Variants in ST6GALNAC3 observed in about 807,000 individuals in gnomAD.
ST6GALNAC3 encodes the protein ST6 N-acetylgalactosaminide alpha-2,6-sialyltransferase 3, also known as alpha-N-acetylgalactosaminide alpha-2,6-sialyltransferase 3.
Under a neutral mutation model 32.7 loss-of-function variants are expected in ST6GALNAC3, and 25 were observed. The observed-to-expected ratio is 0.76, with a 90% CI of 0.56 to 1.07. ST6GALNAC3 has a LOEUF of 1.07. Among genes scored for constraint, ST6GALNAC3 ranks in the 50% least tolerant of loss-of-function variants. The pLI, the probability that ST6GALNAC3 is intolerant of heterozygous loss-of-function variation, is 0.00. For synonymous variants in ST6GALNAC3, 129 were observed against 133.1 expected, an observed-to-expected ratio of 0.97 and a Z score of 0.21; for missense variants, 355 against 382.4, an observed-to-expected ratio of 0.93 and a Z score of 0.60.
chr1:76,353,334 C>T (rs184555170), intron 2 of ST6GALNAC3, among the ~76,000 whole-genome samples: 11 of 152,300 alleles, frequency 7.2e-5, no homozygotes, highest in Middle Eastern at 3.4e-3. Flanking sequence ...TCAGTTGCCA[C>T]CCCTTCAGAG....
intron 1 of ST6GALNAC3, among the ~76,000 whole-genome samples, chr1:76,124,474 G>A (rs1649110919): frequency 6.6e-6 from 1 of 152,182 alleles, no homozygotes; most frequent in Admixed American, 6.5e-5. Flanking sequence ...AATGTAGTCT[G>A]TCCCTGGTTG....
intron 3 of ST6GALNAC3, chr1:76,577,359 C>T: frequency 1.0e-6 from 1 of 979,462 alleles, no homozygotes. Flanking sequence ...TTACCAAGAG[C>T]TATAGCCTCT....
intron 2 of ST6GALNAC3, among the ~76,000 whole-genome samples, chr1:76,376,677 C>T (rs141240565): frequency 4.2e-4 from 64 of 152,314 alleles, no homozygotes; most frequent in African/African-American, 1.0e-3. Flanking sequence ...TTTTTATCCA[C>T]TCTGCACTCC....
intron 2 of ST6GALNAC3, among the ~76,000 whole-genome samples, chr1:76,392,042 T>A (rs1652604239): frequency 6.6e-6 from 1 of 152,150 alleles, no homozygotes; most frequent in African/African-American, 2.4e-5. Flanking sequence ...TAATGCTTCG[T>A]TGTGGGTAGG....
intron 3 of ST6GALNAC3, among the ~76,000 whole-genome samples, chr1:76,478,384 C>G (rs930645535): frequency 6.6e-6 from 1 of 152,152 alleles, no homozygotes; most frequent in East Asian, 1.9e-4. Flanking sequence ...CAAACATATC[C>G]TTTTGTTTTC....
At chr1:76,508,094 C>T (rs563704958) in intron 3 of ST6GALNAC3, among the ~76,000 whole-genome samples, 5 of 152,244 alleles carry the variant, frequency 3.3e-5, no homozygotes, top group East Asian at 1.9e-4. Flanking sequence ...CTAGTAGACT[C>T]GCCTTAGATC....
At chr1:76,210,679 A>G (rs544534397) in intron 1 of ST6GALNAC3, among the ~76,000 whole-genome samples, 1 of 152,042 alleles carries the variant, frequency 6.6e-6, no homozygotes, top group Non-Finnish European at 1.5e-5. Flanking sequence ...CTTGCAGACA[A>G]CTTCCTTCTC....
intron 3 of ST6GALNAC3, among the ~76,000 whole-genome samples, chr1:76,451,777 A>C (rs1396875469): frequency 6.6e-6 from 1 of 152,136 alleles, no homozygotes; most frequent in Non-Finnish European, 1.5e-5. Context: ...TGCATCCTGA[A>C]GCTTTGCTGA....
intron 1 of ST6GALNAC3, among the ~76,000 whole-genome samples, chr1:76,278,462 C>G (rs1234313095): frequency 6.6e-6 from 1 of 151,308 alleles, no homozygotes; most frequent in Non-Finnish European, 1.5e-5. Context: ...ACCTGGTGAT[C>G]CGCCCATCTC....
chr1:76,547,944 A>G (rs1355678410), intron 3 of ST6GALNAC3, among the ~76,000 whole-genome samples: 2 of 151,832 alleles, frequency 1.3e-5, no homozygotes, highest in African/African-American at 2.4e-5. Context: ...AGGAGTCTCT[A>G]TAAACAGCCA....
At chr1:76,625,760 T>A (rs917036179) in intron 3 of ST6GALNAC3, among the ~76,000 whole-genome samples, 3 of 151,930 alleles carry the variant, frequency 2.0e-5, no homozygotes, top group Non-Finnish European at 2.9e-5. Context: ...GAGATACGTC[T>A]TCCCATTCAT....
chr1:76,223,049 C>A (rs1655867866), intron 1 of ST6GALNAC3, among the ~76,000 whole-genome samples: 1 of 151,942 alleles, frequency 6.6e-6, no homozygotes, highest in Non-Finnish European at 1.5e-5. Flanking sequence ...CATTGTATAC[C>A]CAAAGAAATA....
chr1:76,209,994 A>G (rs1655049503), intron 1 of ST6GALNAC3, among the ~76,000 whole-genome samples: 1 of 151,446 alleles, frequency 6.6e-6, no homozygotes, highest in African/African-American at 2.4e-5. Context: ...TTTTCCAACT[A>G]GTTTGGTTGG....
At chr1:76,076,454 T>G (rs1414343819) in intron 1 of ST6GALNAC3, among the ~76,000 whole-genome samples, 1 of 152,226 alleles carries the variant, frequency 6.6e-6, no homozygotes, top group African/African-American at 2.4e-5. Flanking sequence ...CAGAAAGATA[T>G]GTCTGGATGC....
chr1:76,285,388 GT>G, intron 1 of ST6GALNAC3, among the ~76,000 whole-genome samples: 1 of 117,660 alleles, frequency 8.5e-6, no homozygotes, highest in Non-Finnish European at 1.9e-5. Flanking sequence ...GGAGGATGGT[GT>G]GTGTGTGTGT....
At chr1:76,533,755 G>T (rs1663416623) in intron 3 of ST6GALNAC3, among the ~76,000 whole-genome samples, 1 of 151,988 alleles carries the variant, frequency 6.6e-6, no homozygotes, top group South Asian at 2.1e-4. Context: ...TTTTTCCTTG[G>T]ACTTGATAGC....
At chr1:76,150,164 C>CT (rs372701598) in intron 1 of ST6GALNAC3, among the ~76,000 whole-genome samples, 1 of 151,592 alleles carries the variant, frequency 6.6e-6, no homozygotes, top group Non-Finnish European at 1.5e-5. Flanking sequence ...CTACCCCTGC[C>CT]TTTTTTTTTC....
intron 2 of ST6GALNAC3, among the ~76,000 whole-genome samples, chr1:76,329,847 C>A (rs529687562): frequency 5.9e-5 from 9 of 151,986 alleles, no homozygotes; most frequent in Admixed American, 3.9e-4. Flanking sequence ...CTTGCTCTGT[C>A]ACCCAGGCTG....
chr1:76,155,063 G>A (rs1042752564), intron 1 of ST6GALNAC3, among the ~76,000 whole-genome samples: 1 of 152,032 alleles, frequency 6.6e-6, no homozygotes, highest in African/African-American at 2.4e-5. Context: ...GTGTATGTGA[G>A]GGTGACCTTC....
Sources: gnomAD v4.1 joint callset for allele counts (sites outside exome capture counted in the v4.1 genomes callset) on GRCh38, gnomAD v4.1.1 for gene constraint, MANE v1.5 for transcripts, NCBI Gene and HGNC (gene_info 2026-07-23, HGNC 2026-07-21) for gene names.